The following CCDC148 variants were observed in gnomAD, a reference collection of about 807,000 sequenced individuals.
The protein encoded by CCDC148 is coiled-coil domain containing 148.
Under a neutral mutation model 85.7 loss-of-function variants are expected in CCDC148, and 89 were observed. That is an observed-to-expected ratio of 1.04 (90% CI 0.87 to 1.24). The LOEUF (loss-of-function observed/expected upper bound fraction) is 1.24. Among genes scored for constraint, CCDC148 ranks in the 50% most tolerant of loss-of-function variants. CCDC148 has a pLI of 0.00. For synonymous variants in CCDC148, 230 were observed against 213.9 expected, an observed-to-expected ratio of 1.08 and a Z score of -0.66; for missense variants, 692 against 671.7, an observed-to-expected ratio of 1.03 and a Z score of -0.33.
rs1685099560 is a variant in CCDC148 at position 158,185,239 on chromosome 2, T to G, written c.1371-6243A>C. ...CAGAGCCTTCTCAGGCTTGGATAAG[T>G]GCTGGTGATGGGCAGTTGCAATAAT... is the stretch of plus-strand genomic sequence containing the variant. On this transcript the variant is annotated intron_variant, in intron 11 of 13. Transcript: ENST00000283233. Among the ~76,000 whole-genome samples the G allele has an allele frequency of 2.0e-5, 3 of 152,102 alleles. No homozygotes were observed. In the South Asian group the frequency reaches 6.2e-4, roughly 32 times the overall value.
At chr2:158,255,374 C>G (rs1688970303) in intron 9 of CCDC148, among the ~76,000 whole-genome samples, 2 of 151,500 alleles carry the variant, frequency 1.3e-5, no homozygotes, top group Admixed American at 1.3e-4. Flanking sequence ...GAGAAACAGG[C>G]TCAGCAGCAA....
rs11433320 is a variant in CCDC148 at position 158,444,785 on chromosome 2, G to GAAA, written c.25+11627_25+11629dup. The stretch of plus-strand genomic sequence containing the variant: ...GGGTGACAGAGCGAGACCCTGTCTT[G>GAAA]AAAAAAAAAAAAAAAAAAAAAAAAA... On this transcript the variant is annotated intron_variant, in intron 1 of 13. Transcript: ENST00000283233. Among the ~76,000 whole-genome samples, 19 of 66,670 alleles carry GAAA rather than the reference G, an allele frequency of 2.8e-4. 1 individual carries two copies. Among genetic ancestry groups the GAAA allele is most frequent in the East Asian group, 9.0e-4 (2 of 2,226 alleles). The allele number at this position is 66,670 out of a possible 152,430, so 43.7% of individuals were successfully genotyped here. A position where few individuals can be genotyped will look rare whatever the true frequency, so the allele number is the denominator to read the frequency against.
intron 11 of CCDC148, among the ~76,000 whole-genome samples, chr2:158,210,648 A>G (rs936308663): frequency 6.6e-6 from 1 of 152,014 alleles, no homozygotes; most frequent in Non-Finnish European, 1.5e-5. Context: ...TGCAAGATTA[A>G]GAAATTCACT....
At chr2:158,293,304 C>A (rs1328197393) in intron 9 of CCDC148, among the ~76,000 whole-genome samples, 3 of 152,042 alleles carry the variant, frequency 2.0e-5, no homozygotes, top group African/African-American at 7.3e-5. Flanking sequence ...GGTAATATAC[C>A]CTCATAGGAG....
intron 9 of CCDC148, among the ~76,000 whole-genome samples, chr2:158,275,367 T>G (rs1375605905): frequency 6.6e-6 from 1 of 152,214 alleles, no homozygotes; most frequent in African/African-American, 2.4e-5. Context: ...GAGAACTAAT[T>G]GTGATTGTTA....
At chr2:158,245,974 GA>G (rs1688554178) in intron 10 of CCDC148, among the ~76,000 whole-genome samples, 1 of 152,152 alleles carries the variant, frequency 6.6e-6, no homozygotes, top group South Asian at 2.1e-4. Flanking sequence ...AAGCATAGAA[GA>G]AAAAGTGATT....
At chr2:158,408,022 C>A (rs1686098929) in intron 1 of CCDC148, among the ~76,000 whole-genome samples, 2 of 151,950 alleles carry the variant, frequency 1.3e-5, no homozygotes, top group African/African-American at 4.8e-5. Flanking sequence ...TACTATGGGT[C>A]CAAGTAAGTT....
At chr2:158,194,265 T>G (rs1382768148) in intron 11 of CCDC148, among the ~76,000 whole-genome samples, 1 of 151,996 alleles carries the variant, frequency 6.6e-6, no homozygotes, top group Non-Finnish European at 1.5e-5. Context: ...ACAACAACAT[T>G]AAAAATCAAA....
At chr2:158,249,365 C>A (rs1007619526) in intron 10 of CCDC148, among the ~76,000 whole-genome samples, 8 of 151,996 alleles carry the variant, frequency 5.3e-5, no homozygotes, top group Non-Finnish European at 1.2e-4. Flanking sequence ...GGTAAGTTCC[C>A]CTATTCCAGA....
chr2:158,259,415 T>G (rs1689131350), intron 9 of CCDC148, among the ~76,000 whole-genome samples: 1 of 152,002 alleles, frequency 6.6e-6, no homozygotes, highest in African/African-American at 2.4e-5. Context: ...ACCCGGCACC[T>G]GATAGATGCT....
At chr2:158,348,411 T>C (rs142537618) in intron 2 of CCDC148, among the ~76,000 whole-genome samples, 60 of 146,262 alleles carry the variant, frequency 4.1e-4, no homozygotes, top group African/African-American at 1.5e-3. Context: ...AATTACAAAA[T>C]ACAAAAGGAT....
intron 7 of CCDC148, among the ~76,000 whole-genome samples, chr2:158,322,484 C>T (rs1307773907): frequency 6.6e-6 from 1 of 151,776 alleles, no homozygotes; most frequent in Non-Finnish European, 1.5e-5. Flanking sequence ...AACATTCATA[C>T]ATCTGAAATA....
chr2:158,377,317 G>A (rs1038758936), intron 1 of CCDC148, among the ~76,000 whole-genome samples: 1 of 151,882 alleles, frequency 6.6e-6, no homozygotes, highest in African/African-American at 2.4e-5. Flanking sequence ...GTAACACAAG[G>A]ACAAACAGAA....
Position 158,171,414 on chromosome 2 carries a change from T to C in CCDC148, c.*699A>G, listed in dbSNP as rs951523148. The C allele has an allele frequency of 3.9e-5, 6 of 152,004 alleles. No homozygotes were observed. The highest frequency in any genetic ancestry group is 7.4e-5 in the Non-Finnish European group (5 of 67,976). 9.4% of individuals were successfully genotyped at this position (152,004 alleles called of 1,614,324 possible). ...CTCCTTTTCTATAAAATCATCTAAA[T>C]ATTTAATAGATAATTTGGAATTTTT... On this transcript the variant is annotated 3_prime_UTR_variant, in exon 14 of 14. Transcript: ENST00000283233.
At chr2:158,316,422 AGTCAG>A (rs1403848603) in intron 7 of CCDC148, among the ~76,000 whole-genome samples, 3 of 152,220 alleles carry the variant, frequency 2.0e-5, no homozygotes, top group Admixed American at 6.5e-5. Context: ...AAGACATTAA[AGTCAG>A]ATATTTCAAA....
chr2:158,183,190 G>A (rs913850645), intron 11 of CCDC148, among the ~76,000 whole-genome samples: 31 of 152,226 alleles, frequency 2.0e-4, no homozygotes, highest in African/African-American at 5.8e-4. Flanking sequence ...TGCAGAATCC[G>A]GCACAGCACT....
chr2:158,228,140 G>A (rs1325738094), intron 10 of CCDC148, among the ~76,000 whole-genome samples: 2 of 152,052 alleles, frequency 1.3e-5, no homozygotes, highest in Non-Finnish European at 2.9e-5. Context: ...ATCAAAAAGT[G>A]GGCAAAAGAT....
intron 7 of CCDC148, among the ~76,000 whole-genome samples, chr2:158,334,839 C>G (rs1170858134): frequency 6.6e-6 from 1 of 151,968 alleles, no homozygotes; most frequent in Non-Finnish European, 1.5e-5. Context: ...TGCGCAAGTC[C>G]CATCCCTCCA....
intron 1 of CCDC148, among the ~76,000 whole-genome samples, chr2:158,359,315 T>C (rs1357934710): frequency 6.6e-6 from 1 of 152,158 alleles, no homozygotes; most frequent in African/African-American, 2.4e-5. Flanking sequence ...AAATCATGGA[T>C]CACATGACTA....
Sources: allele counts gnomAD v4.1 joint callset (sites outside exome capture counted in the v4.1 genomes callset), GRCh38; gene constraint gnomAD v4.1.1; transcripts MANE v1.5; gene names NCBI Gene and HGNC (gene_info 2026-07-23, HGNC 2026-07-21).